The following ERC1 variants were observed in gnomAD, a reference collection of about 807,000 sequenced individuals.
The protein encoded by ERC1 is ELKS/RAB6-interacting/CAST family member 1.
ERC1 carries 56 observed loss-of-function variants against 132.0 expected under a neutral mutation model. That is an observed-to-expected ratio of 0.42 (90% CI 0.34 to 0.53). The LOEUF is 0.53. Among genes scored for constraint, ERC1 ranks in the 20% least tolerant of loss-of-function variants. ERC1 has a pLI of 0.03. For missense variants in ERC1, 1,202 were observed against 1,349.9 expected, an observed-to-expected ratio of 0.89 and a Z score of 1.72; for synonymous variants, 478 against 476.1, an observed-to-expected ratio of 1.00 and a Z score of -0.05.
At chr12:1,396,043 TTATAAA>T (rs2090515592) in intron 16 of ERC1, among the ~76,000 whole-genome samples, 1 of 152,144 alleles carries the variant, frequency 6.6e-6, no homozygotes, top group Non-Finnish European at 1.5e-5. Context: ...GGAGAAAACT[TTATAAA>T]TATGTGTAAA....
In ERC1 at chr12:1,286,961, A is replaced by G. The variant is rs149493738; in HGVS notation, c.2620-2891A>G. Among the ~76,000 whole-genome samples the G allele has an allele frequency of 4.4e-3, 664 of 152,322 alleles. 3 individuals carry two copies. The highest frequency in any genetic ancestry group is 0.015 in the African/African-American group (620 of 41,566). ...TGATAAAATCTAAATATTTTTGCAG[A>G]AGTTCAAGAATAGCTAAGATGCTCT... On this transcript the variant is annotated intron_variant, in intron 14 of 18. Coordinates refer to ENST00000360905, the MANE Select transcript of ERC1 (RefSeq NM_178040.4).
intron 18 of ERC1, among the ~76,000 whole-genome samples, chr12:1,465,683 C>T (rs569664495): frequency 4.6e-5 from 7 of 152,302 alleles, no homozygotes; most frequent in African/African-American, 1.7e-4. Flanking sequence ...CCCCTGTGCC[C>T]ATGCCTGAAA....
intron 2 of ERC1, among the ~76,000 whole-genome samples, chr12:1,067,614 G>A (rs1225951330): frequency 6.6e-6 from 1 of 152,144 alleles, no homozygotes; most frequent in Non-Finnish European, 1.5e-5. Context: ...TGCCCCTGTA[G>A]GAAGGGAGCC....
intron 18 of ERC1, among the ~76,000 whole-genome samples, chr12:1,447,811 A>T (rs747862840): frequency 2.0e-5 from 3 of 151,794 alleles, no homozygotes; most frequent in Non-Finnish European, 2.9e-5. Flanking sequence ...CACCGTGCCC[A>T]GCTGATTTTT....
At chr12:998,975 TTA>T (rs1316339364) in intron 1 of ERC1, among the ~76,000 whole-genome samples, 1 of 151,630 alleles carries the variant, frequency 6.6e-6, no homozygotes, top group African/African-American at 2.4e-5. Flanking sequence ...TTCTCCTGCC[TTA>T]GCCTCTTGAG....
intron 12 of ERC1, among the ~76,000 whole-genome samples, chr12:1,191,062 TA>T (rs1181451542): frequency 1.3e-5 from 2 of 152,170 alleles, no homozygotes; most frequent in African/African-American, 2.4e-5. Context: ...ACCAAAACTA[TA>T]AAGTCTAACC....
At chr12:1,070,509 C>T (rs1940146943) in intron 2 of ERC1, among the ~76,000 whole-genome samples, 1 of 151,932 alleles carries the variant, frequency 6.6e-6, no homozygotes, top group African/African-American at 2.4e-5. Context: ...TGGTCTTGAA[C>T]TCCTGGGCTC....
chr12:1,417,396 A>G (rs1404337193), intron 17 of ERC1, among the ~76,000 whole-genome samples: 1 of 150,508 alleles, frequency 6.6e-6, no homozygotes, highest in Non-Finnish European at 1.5e-5. Flanking sequence ...TCTCATGAGC[A>G]TGTACTGAAA....
chr12:1,490,891 C>G lies in ERC1; in HGVS notation c.*661C>G, dbSNP rs117418530. On this transcript the variant is annotated 3_prime_UTR_variant, in exon 19 of 19. Transcript: ENST00000360905. ...TCTTCATCCAGCCCTGCCTGTCTGTCGCAGCCTTCCTCACTCTGTTCCTCG... is the reference window on the plus strand; with the variant it reads ...TCTTCATCCAGCCCTGCCTGTCTGTGGCAGCCTTCCTCACTCTGTTCCTCG... 4.3e-6 allele frequency: 1 copy of G among 232,694 alleles called. No homozygotes were observed. The highest frequency in any genetic ancestry group is 8.5e-6 in the Non-Finnish European group (1 of 117,832). The allele number at this position is 232,694 out of a possible 1,614,324, so 14.4% of individuals were successfully genotyped here.
chr12:1,019,845 A>G (rs1480520060), intron 1 of ERC1, among the ~76,000 whole-genome samples: 2 of 152,078 alleles, frequency 1.3e-5, no homozygotes, highest in Non-Finnish European at 2.9e-5. Context: ...GGGTTCAAGC[A>G]ATCTTCCTGC....
rs35902573 is a variant in ERC1, at chr12:1,341,069, C to CTTTTT, written c.2781-30726_2781-30722dup. On this transcript the variant is annotated intron_variant, in intron 15 of 18. Transcript: ENST00000360905. ...AATGTCCACTTATTCTTTTCTTTTT[C>CTTTTT]TTTTTTTTTTTTTTTTTTTTTTTTT... 2.3e-3 allele frequency among the ~76,000 whole-genome samples: 147 copies of CTTTTT among 63,044 alleles called. 16 individuals carry two copies. Among genetic ancestry groups the CTTTTT allele is most frequent in the East Asian group, 0.012 (16 of 1,368 alleles). 41.4% of individuals were successfully genotyped at this position (63,044 alleles called of 152,430 possible).
chr12:1,343,905 G>A (rs538837261), intron 15 of ERC1, among the ~76,000 whole-genome samples: 3 of 151,862 alleles, frequency 2.0e-5, no homozygotes, highest in East Asian at 1.9e-4. Flanking sequence ...GCAGTGGCGC[G>A]ATCTCCGCTC....
intron 2 of ERC1, among the ~76,000 whole-genome samples, chr12:1,042,338 G>GT (rs776086251): frequency 0.34 from 41,572 of 120,898 alleles, 8,371 homozygotes; most frequent in African/African-American, 0.5. Context: ...CGCCCGGCCT[G>GT]TTTTTTTTTT....
At chr12:1,484,032 G>T (rs368593092) in intron 18 of ERC1, among the ~76,000 whole-genome samples, 2 of 150,802 alleles carry the variant, frequency 1.3e-5, no homozygotes, top group Non-Finnish European at 3.0e-5. Context: ...CCAGCCGGGC[G>T]TGGTGGCTCA....
chr12:1,123,224 C>T (rs866243830), intron 7 of ERC1, among the ~76,000 whole-genome samples: 11 of 151,856 alleles, frequency 7.2e-5, no homozygotes, highest in African/African-American at 1.2e-4. Context: ...GCTCTTAATA[C>T]GCTAGAAAAA....
chr12:1,207,248 A>AT (rs1195409310), intron 12 of ERC1, among the ~76,000 whole-genome samples: 2 of 152,102 alleles, frequency 1.3e-5, no homozygotes, highest in Non-Finnish European at 2.9e-5. Flanking sequence ...TCATCATAAG[A>AT]TATATCACTC....
At chr12:1,419,864 CAA>C (rs61705685) in intron 17 of ERC1, among the ~76,000 whole-genome samples, 11,887 of 136,756 alleles carry the variant, frequency 0.087, 751 homozygotes, top group African/African-American at 0.18. Context: ...GATTTTCTGG[CAA>C]AAAAAAAAAA....
intron 17 of ERC1, among the ~76,000 whole-genome samples, chr12:1,418,661 CTT>C (rs1241923365): frequency 4.4e-4 from 44 of 100,686 alleles, no homozygotes; most frequent in Middle Eastern, 4.9e-3. Flanking sequence ...CTCTCTCTCT[CTT>C]TCTTTTCTTT....
chr12:1,276,980 T>C (rs1316133173), intron 14 of ERC1, among the ~76,000 whole-genome samples: 1 of 152,264 alleles, frequency 6.6e-6, no homozygotes, highest in African/African-American at 2.4e-5. Flanking sequence ...GGTGTCAGAA[T>C]TGTAGATTTA....
Sources: gnomAD v4.1 joint callset for allele counts (sites outside exome capture counted in the v4.1 genomes callset) on GRCh38, gnomAD v4.1.1 for gene constraint, MANE v1.5 for transcripts, NCBI Gene and HGNC (gene_info 2026-07-23, HGNC 2026-07-21) for gene names.